Variants in ZNF695 observed in about 807,000 individuals in gnomAD.
ZNF695 encodes zinc finger protein SBZF3.
ZNF695 carries 11 observed loss-of-function variants against 11.2 expected under a neutral mutation model. The observed-to-expected ratio is 0.98, with a 90% CI of 0.62 to 1.62. The LOEUF (loss-of-function observed/expected upper bound fraction) is 1.62. Among genes scored for constraint, ZNF695 ranks in the 40% most tolerant of loss-of-function variants. ZNF695 has a pLI of 0.00. For synonymous variants in ZNF695, 190 were observed against 201.4 expected, an observed-to-expected ratio of 0.94 and a Z score of 0.48; for missense variants, 559 against 590.5, an observed-to-expected ratio of 0.95 and a Z score of 0.55.
chr1:246,948,008 G>C (rs1667782057), intron 5 of ZNF695, among the ~76,000 whole-genome samples: 1 of 152,038 alleles, frequency 6.6e-6, no homozygotes, highest in African/African-American at 2.4e-5. Flanking sequence ...AAAGAGCACA[G>C]TTTGCTTGGA....
intron 5 of ZNF695, chr1:246,945,969 C>G: frequency 9.7e-7 from 1 of 1,028,954 alleles, no homozygotes; most frequent in South Asian, 1.6e-5. Flanking sequence ...ATTTCAAATT[C>G]ACGCAGGTGT....
intron 4 of ZNF695, among the ~76,000 whole-genome samples, chr1:246,975,410 T>C (rs960486095): frequency 1.1e-4 from 17 of 152,230 alleles, no homozygotes; most frequent in African/African-American, 4.1e-4. Context: ...AAATATGCAA[T>C]CTATATAAAT....
chr1:246,990,240 C>T (rs56260816), intron 3 of ZNF695, among the ~76,000 whole-genome samples: 38,047 of 151,556 alleles, frequency 0.25, 5,712 homozygotes, highest in African/African-American at 0.42. Context: ...TAAAAACGCA[C>T]ATAGTCTGAA....
chr1:247,007,494 C>A (rs1304358921), intron 1 of ZNF695, among the ~76,000 whole-genome samples: 269 of 79,312 alleles, frequency 3.4e-3, no homozygotes, highest in South Asian at 0.01. Context: ...GACTCCGTCT[C>A]AAAAAAAAAA....
At position 246,963,627 on chromosome 1, in the gene ZNF695, T is replaced by C. The variant is rs192503630; in HGVS notation, c.488+4068A>G. Reference sequence around the variant, plus strand: ...AGTGCCAGAGCAGGTGCGGGGGTTATTGCGATTTTAAATGGAGTTGTGTAT... The same window carrying C: ...AGTGCCAGAGCAGGTGCGGGGGTTACTGCGATTTTAAATGGAGTTGTGTAT... On this transcript the variant is annotated intron_variant, in intron 5 of 5. Transcript: ENST00000487338. Among the ~76,000 whole-genome samples, 367 of 152,284 alleles carry C rather than the reference T, an allele frequency of 2.4e-3. 1 individual carries two copies. The highest frequency in any genetic ancestry group is 7.3e-3 in the African/African-American group (304 of 41,562).
chr1:246,987,823 T>G lies in ZNF695; in HGVS notation c.692A>C (p.Lys231Thr). 6.2e-7 allele frequency: 1 copy of G among 1,611,876 alleles called. No individual in the cohort carries two copies. Among genetic ancestry groups the G allele is most frequent in the Non-Finnish European group, 8.5e-7 (1 of 1,179,344 alleles). The change falls in exon 4 of 4, where the codon AAG (lysine) becomes ACG (threonine). Residue 231 changes from lysine to threonine, a missense_variant. Coordinates refer to ENST00000339986, the MANE Select transcript of ZNF695 (RefSeq NM_020394.5). Reference sequence around the variant, plus strand: ...ATGTTTCTCTCCAACATGAATTCTCTTACAGTCAGTAAAGCATGAGCACTC... The same window carrying G: ...ATGTTTCTCTCCAACATGAATTCTCGTACAGTCAGTAAAGCATGAGCACTC... ...FNECSCFTDC[K>T]RIHVGEKHCK...
intron 3 of ZNF695, among the ~76,000 whole-genome samples, chr1:246,989,303 T>C (rs886702306): frequency 6.6e-6 from 1 of 152,124 alleles, no homozygotes; most frequent in Non-Finnish European, 1.5e-5. Context: ...TCAAAAATGA[T>C]AACTACAACA....
intron 5 of ZNF695, chr1:246,966,929 T>C (rs1296651893): frequency 2.1e-5 from 9 of 431,754 alleles, no homozygotes; most frequent in East Asian, 7.1e-5. Context: ...ATATTAAATG[T>C]TACTTTTTTT....
At chr1:247,000,959 G>A (rs1669361906) in intron 1 of ZNF695, among the ~76,000 whole-genome samples, 1 of 152,106 alleles carries the variant, frequency 6.6e-6, no homozygotes, top group Non-Finnish European at 1.5e-5. Context: ...TTGGGAGGAT[G>A]AGGCATGAGA....
downstream of ZNF695, among the ~76,000 whole-genome samples, chr1:246,984,826 A>G (rs1668806422): frequency 6.6e-6 from 1 of 152,266 alleles, no homozygotes. Flanking sequence ...AGCACCAATA[A>G]GTTTCATAAA....
At chr1:246,992,764 C>A (rs2642978) in intron 3 of ZNF695, among the ~76,000 whole-genome samples, 1 of 152,140 alleles carries the variant, frequency 6.6e-6, no homozygotes, top group African/African-American at 2.4e-5. Flanking sequence ...CACAATGCCA[C>A]AAGCCCCATA....
intron 5 of ZNF695, among the ~76,000 whole-genome samples, chr1:246,960,567 C>T (rs1289904988): frequency 6.6e-6 from 1 of 152,186 alleles, no homozygotes; most frequent in East Asian, 1.9e-4. Context: ...CTTGGCCATG[C>T]AAGACAAGTT....
chr1:247,007,689 G>C (rs1277102935), intron 1 of ZNF695, among the ~76,000 whole-genome samples: 2 of 152,048 alleles, frequency 1.3e-5, no homozygotes, highest in Non-Finnish European at 2.9e-5. Context: ...ACCAGGCAGA[G>C]ACCGGACAGT....
intron 5 of ZNF695, among the ~76,000 whole-genome samples, chr1:246,957,340 G>A (rs565580301): frequency 1.3e-5 from 2 of 151,390 alleles, no homozygotes; most frequent in Admixed American, 6.6e-5. Flanking sequence ...CTGAGATCAG[G>A]CTCCTGCACT....
At position 246,986,504 on chromosome 1, in the gene ZNF695, G is replaced by C; in HGVS notation, c.*463C>G. 4 of 988,152 alleles carry C rather than the reference G, an allele frequency of 4.0e-6. No homozygotes were observed. Among genetic ancestry groups the C allele is most frequent in the Non-Finnish European group, 3.6e-6 (3 of 831,826 alleles). 61.2% of individuals were successfully genotyped at this position (988,152 alleles called of 1,614,324 possible). ...TGTCTGAAAGTGTCAGTGACTTAGT[G>C]CTTTTTACTATGAATTCTTGGATGT... On this transcript the variant is annotated 3_prime_UTR_variant, in exon 4 of 4. Coordinates refer to ENST00000339986, the MANE Select transcript of ZNF695 (RefSeq NM_020394.5).
At chr1:247,005,188 T>C (rs1669497383) in intron 1 of ZNF695, among the ~76,000 whole-genome samples, 1 of 152,122 alleles carries the variant, frequency 6.6e-6, no homozygotes, top group African/African-American at 2.4e-5. Flanking sequence ...TCAGATTATA[T>C]TACAGAGCTA....
chr1:246,990,209 GAA>G (rs201832930), intron 3 of ZNF695, among the ~76,000 whole-genome samples: 2,970 of 150,394 alleles, frequency 0.02, 36 homozygotes, highest in Middle Eastern at 0.059. Context: ...AAGAGAGAGA[GAA>G]AGAAAGACAC....
At chr1:246,984,701 A>G (rs1349893922), downstream of ZNF695, among the ~76,000 whole-genome samples, 1 of 152,252 alleles carries the variant, frequency 6.6e-6, no homozygotes, top group African/African-American at 2.4e-5. Context: ...AATAACAAAA[A>G]AAGTTGGCTC....
chr1:247,000,529 A>T (rs1032305976), intron 1 of ZNF695, among the ~76,000 whole-genome samples: 5 of 152,040 alleles, frequency 3.3e-5, no homozygotes, highest in African/African-American at 1.2e-4. Flanking sequence ...AATAAATAAA[A>T]AATATATATA....
Sources: gnomAD v4.1 joint callset for allele counts (sites outside exome capture counted in the v4.1 genomes callset) on GRCh38, gnomAD v4.1.1 for gene constraint, MANE v1.5 for transcripts, NCBI Gene and HGNC (gene_info 2026-07-23, HGNC 2026-07-21) for gene names.